The following CP variants were observed in gnomAD, a reference collection of about 807,000 sequenced individuals.
The protein encoded by CP is caeruloplasmin.
In CP, 64 loss-of-function variants were observed where a neutral mutation model predicts 122.4. The observed-to-expected ratio is 0.52, with a 90% confidence interval of 0.43 to 0.64. The LOEUF is 0.64. Among genes scored for constraint, CP ranks in the 30% least tolerant of loss-of-function variants. The probability of loss-of-function intolerance (pLI) is 0.00; values close to 1 mark genes in which losing one functional copy is unlikely to be tolerated. For missense variants in CP, 1,167 were observed against 1,284.4 expected, an observed-to-expected ratio of 0.91 and a Z score of 1.40; for synonymous variants, 440 against 436.4, an observed-to-expected ratio of 1.01 and a Z score of -0.10.
intron 17 of CP, among the ~76,000 whole-genome samples, chr3:149,177,186 T>C (rs1391519893): frequency 2.0e-5 from 3 of 152,146 alleles, no homozygotes; most frequent in Non-Finnish European, 4.4e-5. Context: ...ATACAGAACT[T>C]AGAACAGGCA....
chr3:149,162,441 A>C, exon 6 of CP: 1 of 1,066,084 alleles, frequency 9.4e-7, no homozygotes, highest in Non-Finnish European at 1.4e-6. Flanking sequence ...TATTGAAAAA[A>C]CAGACATACA....
chr3:149,220,816 T>C (rs1368400775), intron 1 of CP, among the ~76,000 whole-genome samples: 1 of 152,206 alleles, frequency 6.6e-6, no homozygotes, highest in African/African-American at 2.4e-5. Context: ...TGAATATTGA[T>C]TTTGAATTCC....
intron 4 of CP, among the ~76,000 whole-genome samples, chr3:149,208,769 G>A (rs529416372): frequency 9.2e-5 from 14 of 152,118 alleles, no homozygotes; most frequent in Admixed American, 5.9e-4. Context: ...AGACTAAGGG[G>A]CCCAGTGAGG....
Position 149,181,986 on chromosome 3 carries a change from C to CGGGGGGGGCGG in CP, c.2554+18_2554+19insCCGCCCCCCCC. 5.1e-6 allele frequency: 3 copies of CGGGGGGGGCGG among 586,878 alleles called. No individual in the cohort carries two copies. The highest frequency in any genetic ancestry group is 9.4e-6 in the Non-Finnish European group (3 of 319,262). The allele number at this position is 586,878 out of a possible 1,614,324, so 36.4% of individuals were successfully genotyped here. A position where few individuals can be genotyped will look rare whatever the true frequency, so the allele number is the denominator to read the frequency against. On this transcript the variant is annotated intron_variant, in intron 14 of 18. Coordinates refer to ENST00000264613, the MANE Select transcript of CP (RefSeq NM_000096.4). ...AGCCTGTTAAAATGCACCACCCCCACCCCCGCCCCCGTGAGTACCTGGTAA... is the reference window on the plus strand; with the variant it reads ...AGCCTGTTAAAATGCACCACCCCCACGGGGGGGGCGGCCCCGCCCCCGTGAGTACCTGGTAA...
chr3:149,181,101 C>A (rs1234918520), intron 14 of CP, among the ~76,000 whole-genome samples: 1 of 152,084 alleles, frequency 6.6e-6, no homozygotes, highest in African/African-American at 2.4e-5. Flanking sequence ...GTCACTTAAC[C>A]ACACATCACC....
chr3:149,182,186 A>G lies in CP; in HGVS notation c.2426-53T>C, dbSNP rs1026893352. 7.5e-6 allele frequency: 12 copies of G among 1,604,078 alleles called. No homozygotes were observed. The African/African-American group carries it at 1.6e-4, about 21-fold the overall frequency. On this transcript the variant is annotated intron_variant, in intron 13 of 18. Coordinates refer to ENST00000264613, the MANE Select transcript of CP (RefSeq NM_000096.4). ...CAATCAGAAGGTCTAACTTAGTAAT[A>G]AAAGCAAAGATCAGCAAAGATAACT...
rs374688913 is a variant in CP at position 149,178,613 on chromosome 3, T to G, written c.2680A>C (p.Ile894Leu). ...DQVKDLYSGL[I>L]GPLIVCRRPY... ...CTTCGACAAACAATCAGGGGGCCAATTAATCCACTGTAGAGGTCCTGGAAA... is the reference window on the plus strand; with the variant it reads ...CTTCGACAAACAATCAGGGGGCCAAGTAATCCACTGTAGAGGTCCTGGAAA... Residue 894 changes from isoleucine to leucine, a missense_variant, in exon 16 of 19, where the codon ATT (isoleucine) becomes CTT (leucine). Transcript: ENST00000264613. 1.9e-6 allele frequency: 3 copies of G among 1,611,954 alleles called. No homozygotes were observed. The highest frequency in any genetic ancestry group is 2.5e-6 in the Non-Finnish European group (3 of 1,178,516).
chr3:149,170,167 T>C (rs1225959843), downstream of CP, among the ~76,000 whole-genome samples: 1 of 152,200 alleles, frequency 6.6e-6, no homozygotes, highest in Middle Eastern at 3.2e-3. Flanking sequence ...TAAAGTACTC[T>C]GTGAATTTAA....
chr3:149,215,381 A>T (rs1728402168), intron 1 of CP, among the ~76,000 whole-genome samples: 1 of 152,190 alleles, frequency 6.6e-6, no homozygotes, highest in African/African-American at 2.4e-5. Flanking sequence ...TTTGTAACTA[A>T]TTTTTCTAGG....
At chr3:149,210,636 A>G (rs1020371799) in intron 2 of CP, among the ~76,000 whole-genome samples, 2 of 152,166 alleles carry the variant, frequency 1.3e-5, no homozygotes, top group African/African-American at 4.8e-5. Flanking sequence ...TTTGCAATGT[A>G]AAGAACTCGG....
chr3:149,179,276 A>C (rs1725629735), intron 15 of CP, among the ~76,000 whole-genome samples: 1 of 152,114 alleles, frequency 6.6e-6, no homozygotes. Flanking sequence ...ATATACTGCC[A>C]TTCTTGGTCA....
At chr3:149,176,605 C>G in intron 17 of CP, 193 bp from the exon 18 acceptor site, 1 of 561,786 alleles carries the variant, frequency 1.8e-6, no homozygotes, top group Non-Finnish European at 3.2e-6. Context: ...GTATCCACAT[C>G]AAGTGGGTGT....
At chr3:149,181,974 G>GCGGGGGGGGGGGGGGCCCCC in intron 14 of CP, 31 bp downstream of exon 14, 1 of 1,356,690 alleles carries the variant, frequency 7.4e-7, no homozygotes, top group Non-Finnish European at 1.0e-6. Context: ...CTGTTAAAAT[G>GCGGGGGGGGGGGGGGCCCCC]CACCACCCCC....
chr3:149,202,293 A>C (rs1474969084), intron 6 of CP, 52 bp from the exon 7 acceptor site: 1 of 1,612,928 alleles, frequency 6.2e-7, no homozygotes, highest in Admixed American at 1.7e-5. Context: ...AACAGAAAGC[A>C]GGTATTCACT....
At chr3:149,173,818 T>C (rs1020650142) in intron 18 of CP, 88 bp from the exon 19 acceptor site, 16 of 646,684 alleles carry the variant, frequency 2.5e-5, no homozygotes, top group Admixed American at 8.8e-5. Flanking sequence ...TTCCAATTTT[T>C]AATGTTACTT....
chr3:149,219,347 T>C (rs528729365), intron 1 of CP, among the ~76,000 whole-genome samples: 2 of 152,326 alleles, frequency 1.3e-5, no homozygotes, highest in South Asian at 4.1e-4. Context: ...ATGGTTTGGC[T>C]GTGTCCCCAC....
At chr3:149,182,889 G>A (rs964033822) in intron 13 of CP, among the ~76,000 whole-genome samples, 23 of 152,150 alleles carry the variant, frequency 1.5e-4, no homozygotes, top group Admixed American at 5.2e-4. Flanking sequence ...AGTGCCTCAC[G>A]CCTGTAATCC....
chr3:149,209,287 GT>G lies in CP; in HGVS notation c.704del (p.Asn235ThrfsTer28). Reference protein sequence around the residue: ...DENFSWYLEDNIKTYCSEPEK... With the variant: ...DENFSWYLEDXIKTYCSEPEK... ...CTGGTTCTGAGCAGTAGGTTTTAAT[GT>G]TGTCTTCTAGGTACCAGCTGAAATT... On this transcript the variant is annotated frameshift_variant, in exon 4 of 19. Transcript: ENST00000264613. LOFTEE classifies it high-confidence loss of function. 6.2e-7 allele frequency: 1 copy of G among 1,613,770 alleles called. No individual in the cohort carries two copies. The highest frequency in any genetic ancestry group is 8.5e-7 in the Non-Finnish European group (1 of 1,179,780).
intron 15 of CP, 119 bp from the exon 16 acceptor site, chr3:149,178,750 G>T: frequency 1.4e-6 from 1 of 735,368 alleles, no homozygotes; most frequent in Non-Finnish European, 2.3e-6. Flanking sequence ...AACAGACTTT[G>T]CCCAATGTGG....
Sources: allele counts gnomAD v4.1 joint callset (sites outside exome capture counted in the v4.1 genomes callset), GRCh38; gene constraint gnomAD v4.1.1; transcripts MANE v1.5; gene names NCBI Gene and HGNC (gene_info 2026-07-23, HGNC 2026-07-21).